The following TEAD2 variants were observed in gnomAD, a reference collection of about 807,000 sequenced individuals.
The protein encoded by TEAD2 is transcriptional enhancer factor TEF-4.
TEAD2 carries 51 observed loss-of-function variants against 61.4 expected under a neutral mutation model. That is an observed-to-expected ratio of 0.83 (90% confidence interval 0.66 to 1.05). TEAD2 has a LOEUF of 1.05. Among genes scored for constraint, TEAD2 ranks in the 50% least tolerant of loss-of-function variants. TEAD2 has a pLI of 0.00. For missense variants in TEAD2, 509 were observed against 600.0 expected, an observed-to-expected ratio of 0.85 and a Z score of 1.58; for synonymous variants, 244 against 243.2, an observed-to-expected ratio of 1.00 and a Z score of -0.03.
At position 49,359,375 on chromosome 19, in the gene TEAD2, A is replaced by C; in HGVS notation, c.297+60T>G. On this transcript the variant is annotated intron_variant, in intron 3 of 12. Transcript: ENST00000593945. This position sits in a 1 kb window ranked among gnomAD's most constrained non-coding sequence, Gnocchi z 4.1. ...CCTTGAACCTGAACCTGCCCATGCG[A>C]GGATGACCCTAAGAAGACCGGCCCA... The C allele has an allele frequency of 1.3e-6, 2 of 1,535,066 alleles. No homozygotes were observed. The highest frequency in any genetic ancestry group is 1.8e-6 in the Non-Finnish European group (2 of 1,109,940).
chr19:49,346,403 T>A (rs1971644769), intron 10 of TEAD2, among the ~76,000 whole-genome samples: 1 of 151,874 alleles, frequency 6.6e-6, no homozygotes, highest in Admixed American at 6.6e-5. Context: ...ACACCTGTAA[T>A]CCCAGCACTT....
At position 49,343,309 on chromosome 19, in the gene TEAD2, A is replaced by G; in HGVS notation, c.1011T>C (p.Tyr337=). 1 of 1,613,972 alleles carries G rather than the reference A, an allele frequency of 6.2e-7. No individual in the cohort carries two copies. Reference sequence around the variant, plus strand: ...TGAGGGTCATGTGTTCCAGGCTCTCATACTGGCTGCTCACTCCGTAGAAGC... The same window carrying G: ...TGAGGGTCATGTGTTCCAGGCTCTCGTACTGGCTGCTCACTCCGTAGAAGC... The part of the protein sequence containing the change: ...SGGFYGVSSQ[Y]ESLEHMTLTC... Residue 337 remains tyrosine, a synonymous_variant, in exon 11 of 13, where the codon TAT becomes TAC. Coordinates refer to ENST00000593945, the MANE Select transcript of TEAD2 (RefSeq NM_001256660.2).
chr19:49,348,151 G>A (rs1250042044), intron 9 of TEAD2, among the ~76,000 whole-genome samples: 2 of 148,992 alleles, frequency 1.3e-5, no homozygotes, highest in Non-Finnish European at 3.0e-5. Context: ...AAAATGGAAG[G>A]AGCCTGGATC....
At chr19:49,346,538 T>C (rs1255844685) in intron 10 of TEAD2, among the ~76,000 whole-genome samples, 1 of 152,032 alleles carries the variant, frequency 6.6e-6, no homozygotes, top group Non-Finnish European at 1.5e-5. Context: ...GTGCCTGTAG[T>C]CCAATCTACT....
intron 11 of TEAD2, 71 bp from the exon 12 acceptor site, chr19:49,342,661 C>T: frequency 6.4e-7 from 1 of 1,565,598 alleles, no homozygotes; most frequent in Non-Finnish European, 8.7e-7. Context: ...GAATTGAGCT[C>T]CACCCTGTGC....
At chr19:49,345,938 G>A (rs1045103216) in intron 10 of TEAD2, among the ~76,000 whole-genome samples, 1 of 151,932 alleles carries the variant, frequency 6.6e-6, no homozygotes, top group Non-Finnish European at 1.5e-5. Context: ...GCCAAGGTGA[G>A]CGGATCACAT....
intron 11 of TEAD2, among the ~76,000 whole-genome samples, chr19:49,342,940 G>C (rs531201642): frequency 6.6e-6 from 1 of 152,034 alleles, no homozygotes; most frequent in African/African-American, 2.4e-5. Context: ...TCCAGCAACT[G>C]TAAGTGTGAC....
chr19:49,351,912 G>A (rs1422882803), intron 7 of TEAD2, among the ~76,000 whole-genome samples: 1 of 151,950 alleles, frequency 6.6e-6, no homozygotes, highest in Non-Finnish European at 1.5e-5. Flanking sequence ...CTTGAACCCG[G>A]GAGGCAGATG....
Position 49,359,056 on chromosome 19 carries a change from T to C in TEAD2, c.297+379A>G, listed in dbSNP as rs1600788095. On this transcript the variant is annotated intron_variant, in intron 3 of 12. Transcript: ENST00000593945. The surrounding 1 kb of genome is among the most constrained non-coding windows in gnomAD (Gnocchi z 4.1). ...GAGTTCGAGACCAGCCTGGACAACA[T>C]GGTGAAACCCCATCTCTACTAAAAA... is the stretch of plus-strand genomic sequence containing the variant. 6.6e-6 allele frequency among the ~76,000 whole-genome samples: 1 copy of C among 151,698 alleles called. No individual in the cohort carries two copies. The highest frequency in any genetic ancestry group is 2.4e-5 in the African/African-American group (1 of 41,318).
intron 4 of TEAD2, among the ~76,000 whole-genome samples, chr19:49,356,426 GAA>G (rs374592800): frequency 2.0e-4 from 29 of 141,624 alleles, no homozygotes; most frequent in Admixed American, 1.1e-3. Flanking sequence ...CCCAAGTCCA[GAA>G]AAAGAGACAG....
chr19:49,356,640 CA>C (rs2146569868), intron 4 of TEAD2, among the ~76,000 whole-genome samples: 1 of 151,980 alleles, frequency 6.6e-6, no homozygotes, highest in Admixed American at 6.5e-5. Context: ...GAGGCCTTCA[CA>C]GCACAAGAGG....
At chr19:49,353,635 C>G (rs1395297081) in intron 7 of TEAD2, among the ~76,000 whole-genome samples, 1 of 151,910 alleles carries the variant, frequency 6.6e-6, no homozygotes, top group Non-Finnish European at 1.5e-5. Flanking sequence ...GCCTGCCCAG[C>G]CCCCTACCTT....
rs536161124 is a variant in TEAD2 at position 49,347,217 on chromosome 19, G to A, written c.894C>T (p.Pro298=). 1.2e-6 allele frequency: 2 copies of A among 1,613,996 alleles called. No individual in the cohort carries two copies. The highest frequency in any genetic ancestry group is 1.3e-5 in the African/African-American group (1 of 75,006). Reference sequence around the variant, plus strand: ...AGAACTTGACCAGGAAGAAGGCATGGGGGGGGCCACGATCATATAGCTCTC... The same window carrying A: ...AGAACTTGACCAGGAAGAAGGCATGAGGGGGGCCACGATCATATAGCTCTC... ...GLRELYDRGP[P]HAFFLVKFWA... The change falls in exon 10 of 13, where the codon CCC becomes CCT. Residue 298 remains proline (P), a synonymous_variant. Coordinates refer to ENST00000593945, the MANE Select transcript of TEAD2 (RefSeq NM_001256660.2).
In TEAD2 at chr19:49,348,889, T is replaced by C. The variant is rs1971824630; in HGVS notation, c.605-44A>G. On this transcript the variant is annotated intron_variant, in intron 8 of 12. Transcript: ENST00000593945. Reference sequence around the variant, plus strand: ...GAACAATACAAATTGCTAACATTTATGGAATATATCAGGTACTGTTGTCTC... The same window carrying C: ...GAACAATACAAATTGCTAACATTTACGGAATATATCAGGTACTGTTGTCTC... 6 of 1,459,534 alleles carry C rather than the reference T, an allele frequency of 4.1e-6. No individual in the cohort carries two copies. The South Asian group carries it at 7.2e-5, about 18-fold the overall frequency. The allele number at this position is 1,459,534 out of a possible 1,614,324, so 90.4% of individuals were successfully genotyped here.
intron 5 of TEAD2, 63 bp from the exon 6 acceptor site, chr19:49,355,482 T>C (rs1600764225): frequency 2.1e-6 from 3 of 1,420,640 alleles, no homozygotes; most frequent in South Asian, 1.2e-5. Flanking sequence ...AAGAGGGGGA[T>C]GGTGCCAGGG....
Position 49,359,835 on chromosome 19 carries a change from T to C in TEAD2, c.232+9A>G, listed in dbSNP as rs544107249. 7 of 1,612,766 alleles carry C rather than the reference T, an allele frequency of 4.3e-6. No homozygotes were observed. In the South Asian group the frequency reaches 4.4e-5, roughly 10 times the overall value. ...TGGGGGCCAGGGCAAAAGACAGAAG[T>C]AGACTCACCATACATCTTGCCTTCA... is the stretch of plus-strand genomic sequence containing the variant. On this transcript the variant is annotated intron_variant, in intron 2 of 12. Transcript: ENST00000593945. The surrounding 1 kb of genome is among the most constrained non-coding windows in gnomAD (Gnocchi z 4.1).
rs578159950 is a variant in TEAD2 at position 49,355,512 on chromosome 19, T to A, written c.373-93A>T. ...CCAGGGTGGGGTGAAGACGGGGAGG[T>A]GCAGAGGTGGGGAGTCAAGGCAAAG... On this transcript the variant is annotated intron_variant, in intron 5 of 12. Coordinates refer to ENST00000593945, the MANE Select transcript of TEAD2 (RefSeq NM_001256660.2). 32 of 1,091,396 alleles carry A rather than the reference T, an allele frequency of 2.9e-5. No individual in the cohort carries two copies. The African/African-American group carries it at 4.3e-4, about 15-fold the overall frequency. The allele number at this position is 1,091,396 out of a possible 1,614,324, so 67.6% of individuals were successfully genotyped here. A position where few individuals can be genotyped will look rare whatever the true frequency, so the allele number is the denominator to read the frequency against.
chr19:49,345,094 C>G (rs1031496600), intron 10 of TEAD2, among the ~76,000 whole-genome samples: 3 of 152,160 alleles, frequency 2.0e-5, no homozygotes, highest in African/African-American at 7.2e-5. Flanking sequence ...AAGGGGGTGG[C>G]TCTCCAGTCC....
chr19:49,350,205 A>C (rs990426625), intron 8 of TEAD2, among the ~76,000 whole-genome samples: 2 of 152,212 alleles, frequency 1.3e-5, no homozygotes, highest in Non-Finnish European at 2.9e-5. Context: ...AGATCAAAGT[A>C]ATGACTGATG....
Sources: gnomAD v4.1 joint callset for allele counts (sites outside exome capture counted in the v4.1 genomes callset) on GRCh38, gnomAD v4.1.1 for gene constraint, Gnocchi (gnomAD v3.1) non-coding constraint, MANE v1.5 for transcripts, NCBI Gene and HGNC (gene_info 2026-07-23, HGNC 2026-07-21) for gene names.